Variants in PRDM6 observed in about 807,000 individuals in gnomAD.
The protein encoded by PRDM6 is PR/SET domain 6, also known as putative histone-lysine N-methyltransferase PRDM6.
Under a neutral mutation model 60.8 loss-of-function variants are expected in PRDM6, and 25 were observed. The observed-to-expected ratio is 0.41, with a 90% confidence interval of 0.30 to 0.57. PRDM6 has a LOEUF of 0.57. Ranked by LOEUF, PRDM6 falls within the 20% of genes least tolerant of loss-of-function variation. The pLI is 0.27. For missense variants in PRDM6, 839 were observed against 821.3 expected (o/e 1.02, Z -0.26); for synonymous variants, 407 against 357.4 (o/e 1.14, Z -1.57).
At chr5:123,180,458 G>A (rs946173613) in intron 7 of PRDM6, 135 bp downstream of exon 7, 4 of 904,732 alleles carry the variant, frequency 4.4e-6, no homozygotes, top group Non-Finnish European at 4.9e-6. Flanking sequence ...GGCTGCAAAC[G>A]AATCTCTCCT....
At chr5:123,133,343 C>G (rs1764878092) in intron 3 of PRDM6, among the ~76,000 whole-genome samples, 1 of 152,090 alleles carries the variant, frequency 6.6e-6, no homozygotes, top group East Asian at 1.9e-4. Flanking sequence ...AAATAACTAC[C>G]TTTGATAGTA....
intron 3 of PRDM6, among the ~76,000 whole-genome samples, chr5:123,128,065 A>G (rs1165511450): frequency 6.6e-6 from 1 of 152,174 alleles, no homozygotes; most frequent in East Asian, 1.9e-4. Context: ...GATGGTTCCC[A>G]GCTTCATCCA....
intron 1 of PRDM6, among the ~76,000 whole-genome samples, chr5:123,089,752 AT>A (rs1217368306): frequency 6.6e-6 from 1 of 152,142 alleles, no homozygotes; most frequent in Non-Finnish European, 1.5e-5. Context: ...GGGCCCCAGC[AT>A]TGCTGGATGG....
At chr5:123,090,780 C>G (rs898082132) in intron 2 of PRDM6, among the ~76,000 whole-genome samples, 174 bp downstream of exon 2, 5 of 152,202 alleles carry the variant, frequency 3.3e-5, no homozygotes, top group Non-Finnish European at 7.3e-5. Flanking sequence ...CAAAAGTTTT[C>G]TGGCGTTGGA....
chr5:123,110,287 T>A (rs1243729622), intron 3 of PRDM6, among the ~76,000 whole-genome samples: 3 of 150,830 alleles, frequency 2.0e-5, no homozygotes, highest in Non-Finnish European at 4.4e-5. Context: ...TTTTTTTTTT[T>A]TTTGAGATGG....
chr5:123,125,235 G>T lies in PRDM6; in HGVS notation c.900+25274G>T, dbSNP rs187069383. Among the ~76,000 whole-genome samples, 372 of 151,788 alleles carry T rather than the reference G, an allele frequency of 2.5e-3. 2 individuals are homozygous for T. The highest frequency in any genetic ancestry group is 4.6e-3 in the Non-Finnish European group (311 of 67,972). On this transcript the variant is annotated intron_variant, in intron 3 of 7. Coordinates refer to ENST00000407847, the MANE Select transcript of PRDM6 (RefSeq NM_001136239.4). ...ATAGATCCCAGGGACTTCAGCTGTGGGTTCCCTTTGTGTTCCTAACTCAGC... is the reference window on the plus strand; with the variant it reads ...ATAGATCCCAGGGACTTCAGCTGTGTGTTCCCTTTGTGTTCCTAACTCAGC...
chr5:123,111,161 C>G (rs335189), intron 3 of PRDM6, among the ~76,000 whole-genome samples: 42,523 of 152,084 alleles, frequency 0.28, 6,650 homozygotes, highest in East Asian at 0.51. Flanking sequence ...CTAAACTGTA[C>G]ATTTAAAAAT....
intron 3 of PRDM6, among the ~76,000 whole-genome samples, chr5:123,133,823 A>G (rs1213700579): frequency 7.5e-6 from 1 of 132,650 alleles, no homozygotes; most frequent in African/African-American, 2.8e-5. Flanking sequence ...TGTGATGTTT[A>G]TCAATCAAAA....
chr5:123,152,384 G>A (rs189388066), intron 3 of PRDM6, among the ~76,000 whole-genome samples: 1 of 152,020 alleles, frequency 6.6e-6, no homozygotes, highest in Non-Finnish European at 1.5e-5. Flanking sequence ...CAGAGATCGA[G>A]GACCCATCTT....
intron 6 of PRDM6, among the ~76,000 whole-genome samples, chr5:123,176,668 A>C (rs973936090): frequency 3.9e-5 from 6 of 152,154 alleles, no homozygotes; most frequent in African/African-American, 1.4e-4. Context: ...AGCCACGATC[A>C]CGCCACTGTA....
chr5:123,134,262 A>G (rs957503844), intron 3 of PRDM6, among the ~76,000 whole-genome samples: 4 of 152,124 alleles, frequency 2.6e-5, no homozygotes, highest in Admixed American at 2.0e-4. Flanking sequence ...TAACAATGGT[A>G]ACGGCCTTAG....
rs896236935 is a variant in PRDM6 at position 123,150,837 on chromosome 5, C to T, written c.901-5047C>T. Among the ~76,000 whole-genome samples the T allele has an allele frequency of 9.2e-5, 14 of 152,092 alleles. No individual in the cohort carries two copies. In the South Asian group the frequency reaches 1.2e-3, roughly 14 times the overall value. ...AATCTCCAACGACCTTTTCTGGGCC[C>T]TTTCTGTGGTAATTGTTTATTCCAT... On this transcript the variant is annotated intron_variant, in intron 3 of 7. Transcript: ENST00000407847.
rs187250473 is a variant in PRDM6 at position 123,128,030 on chromosome 5, G to A, written c.901-27854G>A. On this transcript the variant is annotated intron_variant, in intron 3 of 7. Transcript: ENST00000407847. The stretch of plus-strand genomic sequence containing the variant: ...GAGAACATGCGGTGTTTGGTTTTCC[G>A]TCCTCGTGATAGTTTGCTGAGAATG... 6.0e-3 allele frequency among the ~76,000 whole-genome samples: 914 copies of A among 151,712 alleles called. 13 individuals are homozygous for A. The highest frequency in any genetic ancestry group is 0.021 in the African/African-American group (872 of 41,320).
intron 3 of PRDM6, among the ~76,000 whole-genome samples, chr5:123,153,183 A>G (rs999045927): frequency 5.9e-4 from 87 of 146,676 alleles, no homozygotes; most frequent in African/African-American, 2.1e-3. Context: ...TTAACAATGC[A>G]TGCAAAAACT....
At chr5:123,131,717 T>G (rs1344786666) in intron 3 of PRDM6, among the ~76,000 whole-genome samples, 1 of 152,228 alleles carries the variant, frequency 6.6e-6, no homozygotes, top group African/African-American at 2.4e-5. Context: ...TAAAAGTAAC[T>G]TGAGGCCAAA....
intron 7 of PRDM6, among the ~76,000 whole-genome samples, chr5:123,183,561 T>C (rs1041247979): frequency 3.3e-5 from 5 of 152,312 alleles, no homozygotes; most frequent in Admixed American, 6.5e-5. Context: ...GCAGCTACCC[T>C]AGGCCGTAGA....
intron 2 of PRDM6, 84 bp downstream of exon 2, chr5:123,090,690 C>G (rs2150203687): frequency 8.4e-6 from 2 of 238,776 alleles, no homozygotes; most frequent in Non-Finnish European, 6.5e-6. Context: ...GGAGGCGGGT[C>G]GGATAGGAGT....
At chr5:123,119,281 G>C (rs1764527590) in intron 3 of PRDM6, among the ~76,000 whole-genome samples, 1 of 152,140 alleles carries the variant, frequency 6.6e-6, no homozygotes, top group African/African-American at 2.4e-5. Flanking sequence ...AAAACAAGAT[G>C]AGAGATTTAA....
chr5:123,171,745 T>G (rs1765893631), intron 6 of PRDM6, among the ~76,000 whole-genome samples: 1 of 152,190 alleles, frequency 6.6e-6, no homozygotes. Context: ...ATAAAGAATT[T>G]TATGGCCATG....
Sources: gnomAD v4.1 joint callset for allele counts (sites outside exome capture counted in the v4.1 genomes callset) on GRCh38, gnomAD v4.1.1 for gene constraint, MANE v1.5 for transcripts, NCBI Gene and HGNC (gene_info 2026-07-23, HGNC 2026-07-21) for gene names.